The following ATP8A1 variants were observed in gnomAD, a reference collection of about 807,000 sequenced individuals.
ATP8A1 encodes the protein ATPase phospholipid transporting 8A1, also known as phospholipid-transporting ATPase IA.
Under a neutral mutation model 177.7 loss-of-function variants are expected in ATP8A1, and 90 were observed. The ratio of observed to expected loss-of-function variants is 0.51; its 90% CI spans 0.43 to 0.60. ATP8A1 has a LOEUF of 0.60. ATP8A1 is among the 20% of genes least tolerant of loss of function. The pLI is 0.00. For missense variants in ATP8A1, 1,072 were observed against 1,392.8 expected (o/e 0.77, Z 3.67); for synonymous variants, 493 against 485.9 (o/e 1.01, Z -0.19).
At chr4:42,629,400 T>G (rs879371459) in intron 1 of ATP8A1, among the ~76,000 whole-genome samples, 1 of 152,224 alleles carries the variant, frequency 6.6e-6, no homozygotes, top group Admixed American at 6.5e-5. Context: ...GGAAAGATAT[T>G]GTACATGAAG....
Position 42,497,607 on chromosome 4 carries a change from T to TA in ATP8A1, c.2151+5842dup, listed in dbSNP as rs1368476356. On this transcript the variant is annotated intron_variant, in intron 24 of 36. Transcript: ENST00000381668. ...CTATAAATTTGTGAACAACCTCACTTAAGGTTCTCAGCACAAGCCAGCCTC... is the reference window on the plus strand; with the variant it reads ...CTATAAATTTGTGAACAACCTCACTTAAAGGTTCTCAGCACAAGCCAGCCTC... 3.3e-5 allele frequency among the ~76,000 whole-genome samples: 5 copies of TA among 152,300 alleles called. No individual in the cohort carries two copies. The East Asian group carries it at 9.6e-4, about 29-fold the overall frequency.
chr4:42,613,263 A>C (rs1254097508), intron 5 of ATP8A1, among the ~76,000 whole-genome samples: 1 of 152,224 alleles, frequency 6.6e-6, no homozygotes, highest in Non-Finnish European at 1.5e-5. Context: ...TTCTCTTAGG[A>C]AACAAATTCA....
chr4:42,581,413 G>T (rs1000634155), intron 10 of ATP8A1, among the ~76,000 whole-genome samples: 1 of 152,144 alleles, frequency 6.6e-6, no homozygotes, highest in East Asian at 1.9e-4. Context: ...GATTACAGGC[G>T]TGAGCCACCG....
chr4:42,583,625 T>C (rs1370651562), intron 9 of ATP8A1, among the ~76,000 whole-genome samples: 1 of 152,194 alleles, frequency 6.6e-6, no homozygotes, highest in Non-Finnish European at 1.5e-5. Context: ...ATAGCTGGTG[T>C]TCCAAGGCTT....
intron 14 of ATP8A1, 120 bp from the exon 15 acceptor site, chr4:42,569,325 A>G: frequency 1.6e-6 from 1 of 606,134 alleles, no homozygotes; most frequent in South Asian, 2.6e-5. Context: ...TAACAAAATG[A>G]ACTTTTAGTT....
chr4:42,489,651 T>C (rs1197654445), intron 24 of ATP8A1, among the ~76,000 whole-genome samples: 11 of 152,348 alleles, frequency 7.2e-5, no homozygotes, highest in Admixed American at 6.5e-4. Flanking sequence ...CAGTTACAAG[T>C]TATATTTTAT....
Position 42,656,993 on chromosome 4 carries a change from G to T in ATP8A1, c.-120C>A. On this transcript the variant is annotated 5_prime_UTR_variant, in exon 1 of 37. Coordinates refer to ENST00000381668, the MANE Select transcript of ATP8A1 (RefSeq NM_006095.2). Reference sequence around the variant, plus strand: ...CAGCTGCAGCCTGGGCCGCGCCGCCGCCCACCTAGGGCAGAGCTGCCGCCG... The same window carrying T: ...CAGCTGCAGCCTGGGCCGCGCCGCCTCCCACCTAGGGCAGAGCTGCCGCCG... The T allele has an allele frequency of 9.1e-7, 1 of 1,095,300 alleles. No homozygotes were observed. The highest frequency in any genetic ancestry group is 1.2e-6 in the Non-Finnish European group (1 of 851,288). The allele number at this position is 1,095,300 out of a possible 1,614,324, so 67.8% of individuals were successfully genotyped here. A position where few individuals can be genotyped will look rare whatever the true frequency, so the allele number is the denominator to read the frequency against.
intron 33 of ATP8A1, among the ~76,000 whole-genome samples, chr4:42,424,094 T>A (rs558993381): frequency 9.9e-5 from 15 of 152,248 alleles, no homozygotes; most frequent in Non-Finnish European, 1.9e-4. Context: ...TAACATTAGG[T>A]AGTAATAATC....
chr4:42,423,601 CTG>C lies in ATP8A1; in HGVS notation c.3212+14_3212+15del. 6.5e-7 allele frequency: 1 copy of C among 1,544,452 alleles called. No individual in the cohort carries two copies. The highest frequency in any genetic ancestry group is 8.9e-7 in the Non-Finnish European group (1 of 1,121,918). On this transcript the variant is annotated intron_variant, in intron 34 of 36. Transcript: ENST00000381668. ...TGCATCTATATTTCTCCGTATATAA[CTG>C]AGTATATACTTACACCTTGTACACC... is the stretch of plus-strand genomic sequence containing the variant.
At chr4:42,440,477 C>A (rs139495510) in intron 33 of ATP8A1, among the ~76,000 whole-genome samples, 57 of 151,782 alleles carry the variant, frequency 3.8e-4, no homozygotes, top group African/African-American at 1.2e-3. Context: ...TATTTCATTA[C>A]TCATTGTATT....
intron 1 of ATP8A1, among the ~76,000 whole-genome samples, chr4:42,635,774 CACACACACAT>C (rs1358380716): frequency 4.3e-5 from 2 of 46,114 alleles, no homozygotes; most frequent in East Asian, 3.8e-4. Flanking sequence ...CACACACACA[CACACACACAT>C]ATATATATAT....
intron 32 of ATP8A1, 131 bp downstream of exon 32, chr4:42,444,447 C>G (rs1716990025): frequency 9.6e-6 from 8 of 832,246 alleles, no homozygotes; most frequent in Non-Finnish European, 1.3e-5. Flanking sequence ...TGACACCCCA[C>G]AATTGAAAAC....
At chr4:42,500,619 C>T (rs529366481) in intron 24 of ATP8A1, among the ~76,000 whole-genome samples, 11 of 151,876 alleles carry the variant, frequency 7.2e-5, no homozygotes, top group African/African-American at 2.7e-4. Flanking sequence ...CTGATCCTGG[C>T]AATTTTACAA....
intron 35 of ATP8A1, among the ~76,000 whole-genome samples, chr4:42,416,438 T>C (rs887396916): frequency 6.6e-5 from 10 of 152,190 alleles, no homozygotes; most frequent in Admixed American, 2.0e-4. Context: ...AAGGCAGACA[T>C]GAGAATTTAG....
rs1314764649 is a variant in ATP8A1 at position 42,555,134 on chromosome 4, TATCTAATCTATCTATC to T, written c.1413+818_1413+833del. Among the ~76,000 whole-genome samples, 714 of 83,904 alleles carry T rather than the reference TATCTAATCTATCTATC, an allele frequency of 8.5e-3. 14 individuals carry two copies. The highest frequency in any genetic ancestry group is 0.011 in the Non-Finnish European group (436 of 41,204). The allele number at this position is 83,904 out of a possible 152,430, so 55.0% of individuals were successfully genotyped here. ...CTATCTATCTATCTATCTATCTATCTATCTAATCTATCTATCTATCTATCTATCTATCTATCTATCT... is the reference window on the plus strand; with the variant it reads ...CTATCTATCTATCTATCTATCTATCTTATCTATCTATCTATCTATCTATCT... On this transcript the variant is annotated intron_variant, in intron 16 of 36. Coordinates refer to ENST00000381668, the MANE Select transcript of ATP8A1 (RefSeq NM_006095.2).
chr4:42,510,531 T>C (rs1286333005), intron 22 of ATP8A1, among the ~76,000 whole-genome samples: 2 of 152,212 alleles, frequency 1.3e-5, no homozygotes, highest in Admixed American at 1.3e-4. Context: ...TAAGGTTTTT[T>C]TTTTTAGTGA....
At chr4:42,504,001 T>C (rs972156058) in intron 23 of ATP8A1, among the ~76,000 whole-genome samples, 1 of 152,200 alleles carries the variant, frequency 6.6e-6, no homozygotes, top group Non-Finnish European at 1.5e-5. Context: ...TTGCACTTAC[T>C]GCAGGGCAAA....
intron 36 of ATP8A1, among the ~76,000 whole-genome samples, chr4:42,413,969 C>T (rs769823943): frequency 6.6e-6 from 1 of 152,332 alleles, no homozygotes; most frequent in Non-Finnish European, 1.5e-5. Flanking sequence ...ACTCACGCCC[C>T]GACATGGCAT....
At chr4:42,466,031 CAAAAAAAA>C (rs57949092) in intron 25 of ATP8A1, among the ~76,000 whole-genome samples, 1 of 108,118 alleles carries the variant, frequency 9.2e-6, no homozygotes, top group African/African-American at 4.0e-5. Flanking sequence ...GACTCCGTCT[CAAAAAAAA>C]AAAAAAAAAA....
Sources: allele counts gnomAD v4.1 joint callset (sites outside exome capture counted in the v4.1 genomes callset), GRCh38; gene constraint gnomAD v4.1.1; transcripts MANE v1.5; gene names NCBI Gene and HGNC (gene_info 2026-07-23, HGNC 2026-07-21).